Variants in FRMD4A observed in about 807,000 individuals in gnomAD.
The protein encoded by FRMD4A is FERM domain-containing protein 4A.
FRMD4A carries 29 observed loss-of-function variants against 129.1 expected under a neutral mutation model. That is an observed-to-expected ratio of 0.22 (90% CI 0.17 to 0.31). FRMD4A has a LOEUF of 0.31. Ranked by LOEUF, FRMD4A falls within the 10% of genes least tolerant of loss-of-function variation. The pLI is 1.00. For synonymous variants in FRMD4A, 634 were observed against 571.6 expected, an observed-to-expected ratio of 1.11 and a Z score of -1.56; for missense variants, 1,272 against 1,375.8, an observed-to-expected ratio of 0.92 and a Z score of 1.19.
At chr10:13,714,610 C>G (rs749137068) in intron 12 of FRMD4A, among the ~76,000 whole-genome samples, 1 of 151,936 alleles carries the variant, frequency 6.6e-6, no homozygotes, top group Non-Finnish European at 1.5e-5. Context: ...ATATTTGTAG[C>G]GAGCTTACAA....
intron 8 of FRMD4A, among the ~76,000 whole-genome samples, chr10:13,750,436 G>C (rs146064194): frequency 1.1e-4 from 16 of 152,268 alleles, no homozygotes; most frequent in African/African-American, 3.9e-4. Context: ...GAAGGTGAGA[G>C]GAGCTCCTAC....
At chr10:13,910,945 T>A in intron 2 of FRMD4A, among the ~76,000 whole-genome samples, 1 of 146,800 alleles carries the variant, frequency 6.8e-6, no homozygotes, top group Non-Finnish European at 1.5e-5. Flanking sequence ...GTTTGAAAAC[T>A]TGTCTTTTAA....
At chr10:13,971,869 A>T in intron 2 of FRMD4A, 4 of 1,295,416 alleles carry the variant, frequency 3.1e-6, no homozygotes, top group Non-Finnish European at 4.1e-6. Context: ...TCTTTTAGTG[A>T]CACAAAGTGC....
chr10:13,718,953 T>G (rs2089144941), intron 12 of FRMD4A, among the ~76,000 whole-genome samples: 1 of 152,188 alleles, frequency 6.6e-6, no homozygotes, highest in Admixed American at 6.5e-5. Flanking sequence ...TATTAGACAC[T>G]CAATAGTTGT....
chr10:14,267,392 C>G (rs1490081304), intron 2 of FRMD4A, among the ~76,000 whole-genome samples: 1 of 152,078 alleles, frequency 6.6e-6, no homozygotes, highest in Admixed American at 6.6e-5. Context: ...GTAGGTATTG[C>G]TCCATTTTAA....
chr10:14,073,881 G>A (rs1359683531), intron 2 of FRMD4A, among the ~76,000 whole-genome samples: 1 of 152,180 alleles, frequency 6.6e-6, no homozygotes, highest in South Asian at 2.1e-4. Flanking sequence ...GAAGGCTGAG[G>A]TGGGAGGATC....
chr10:13,737,133 A>G (rs1219896337), intron 12 of FRMD4A, among the ~76,000 whole-genome samples: 3 of 152,188 alleles, frequency 2.0e-5, no homozygotes, highest in Admixed American at 2.0e-4. Flanking sequence ...TCTGTCACCC[A>G]GGCTGGAGTG....
chr10:14,310,333 G>A (rs1190959393), intron 2 of FRMD4A, among the ~76,000 whole-genome samples: 2 of 152,196 alleles, frequency 1.3e-5, no homozygotes, highest in Non-Finnish European at 2.9e-5. Flanking sequence ...TAATGATACA[G>A]GAGCTAGAAA....
chr10:14,011,437 G>A (rs931634605), intron 2 of FRMD4A, among the ~76,000 whole-genome samples: 5 of 152,130 alleles, frequency 3.3e-5, no homozygotes, highest in African/African-American at 1.2e-4. Context: ...TAGAACCTTG[G>A]AGACCCATCC....
intron 2 of FRMD4A, among the ~76,000 whole-genome samples, chr10:13,899,935 T>A (rs980660799): frequency 1.3e-5 from 2 of 152,228 alleles, no homozygotes; most frequent in Non-Finnish European, 2.9e-5. Context: ...CTGCACCATA[T>A]GGACATAGCT....
At chr10:13,984,189 G>A (rs2095572965) in intron 2 of FRMD4A, among the ~76,000 whole-genome samples, 1 of 152,102 alleles carries the variant, frequency 6.6e-6, no homozygotes, top group Non-Finnish European at 1.5e-5. Context: ...ATTTCAAAGC[G>A]TTAAAACCAG....
chr10:13,805,862 A>ATT (rs11339023), intron 4 of FRMD4A, among the ~76,000 whole-genome samples: 1 of 145,690 alleles, frequency 6.9e-6, no homozygotes, highest in African/African-American at 2.5e-5. Context: ...CTAATTTTTA[A>ATT]TTTTTTTTTT....
chr10:14,185,626 T>A (rs911103564), intron 2 of FRMD4A, among the ~76,000 whole-genome samples: 1 of 152,056 alleles, frequency 6.6e-6, no homozygotes, highest in East Asian at 1.9e-4. Context: ...GGATATATAC[T>A]TCATGGTCAG....
At chr10:13,791,482 T>A (rs2092999815) in intron 5 of FRMD4A, among the ~76,000 whole-genome samples, 1 of 151,558 alleles carries the variant, frequency 6.6e-6, no homozygotes, top group African/African-American at 2.4e-5. Flanking sequence ...AGAGAGAAAG[T>A]GTGAGCAGCA....
At chr10:13,852,897 C>A (rs2094159296) in intron 3 of FRMD4A, among the ~76,000 whole-genome samples, 1 of 152,146 alleles carries the variant, frequency 6.6e-6, no homozygotes, top group Non-Finnish European at 1.5e-5. Context: ...TATGTCTCCT[C>A]ATAATCTCAG....
intron 2 of FRMD4A, among the ~76,000 whole-genome samples, chr10:14,113,286 C>A (rs1329404233): frequency 6.6e-6 from 1 of 152,128 alleles, no homozygotes. Context: ...ACAGCAAAAC[C>A]AACCTCTCCT....
intron 2 of FRMD4A, among the ~76,000 whole-genome samples, chr10:14,177,121 C>T (rs1564365453): frequency 6.6e-6 from 1 of 152,196 alleles, no homozygotes. Flanking sequence ...AACAGGTTTG[C>T]ACTGTTTGTG....
chr10:13,722,557 C>T (rs760407526), intron 12 of FRMD4A, among the ~76,000 whole-genome samples: 14 of 152,062 alleles, frequency 9.2e-5, no homozygotes, highest in Non-Finnish European at 1.9e-4. Context: ...CATTGGGACC[C>T]TCTGGTCTTC....
chr10:14,158,025 A>G (rs1840686320), intron 2 of FRMD4A, among the ~76,000 whole-genome samples: 1 of 152,204 alleles, frequency 6.6e-6, no homozygotes, highest in Admixed American at 6.5e-5. Flanking sequence ...CTGGTGAAGC[A>G]CCAGCAATAC....
Sources: gnomAD v4.1 joint callset for allele counts (sites outside exome capture counted in the v4.1 genomes callset) on GRCh38, gnomAD v4.1.1 for gene constraint, MANE v1.5 for transcripts, NCBI Gene and HGNC (gene_info 2026-07-23, HGNC 2026-07-21) for gene names.